The following AAMDC variants were observed in gnomAD, a reference collection of about 807,000 sequenced individuals.
AAMDC encodes the protein adipogenesis associated Mth938 domain containing, also known as mth938 domain-containing protein.
Under a neutral mutation model 15.5 loss-of-function variants are expected in AAMDC, and 16 were observed. The observed-to-expected ratio is 1.03, with a 90% CI of 0.70 to 1.57. The LOEUF (loss-of-function observed/expected upper bound fraction) is 1.57, where lower values mean the gene tolerates loss of function less well. Ranked by LOEUF, AAMDC falls within the 40% of genes most tolerant of loss-of-function variation. AAMDC has a pLI of 0.00. For missense variants in AAMDC, 141 were observed against 144.9 expected, an observed-to-expected ratio of 0.97 and a Z score of 0.14; for synonymous variants, 51 against 51.6, an observed-to-expected ratio of 0.99 and a Z score of 0.05.
At chr11:77,898,536 G>GTT (rs764774661) in intron 5 of AAMDC, among the ~76,000 whole-genome samples, 1 of 152,192 alleles carries the variant, frequency 6.6e-6, no homozygotes, top group Non-Finnish European at 1.5e-5. Context: ...CTTAGATCAT[G>GTT]TTTATCTATT....
intron 5 of AAMDC, among the ~76,000 whole-genome samples, chr11:77,895,970 T>C (rs865948172): frequency 4.3e-4 from 65 of 152,272 alleles, no homozygotes; most frequent in African/African-American, 1.4e-3. Flanking sequence ...TTTAAACTAG[T>C]CTAGACTTTC....
chr11:77,833,448 T>C (rs1277675172), intron 1 of AAMDC, among the ~76,000 whole-genome samples: 1 of 152,152 alleles, frequency 6.6e-6, no homozygotes, highest in Non-Finnish European at 1.5e-5. Flanking sequence ...CACGCATCTA[T>C]GATCATCTAA....
chr11:77,894,972 G>A (rs1952448675), intron 5 of AAMDC, among the ~76,000 whole-genome samples: 1 of 152,080 alleles, frequency 6.6e-6, no homozygotes, highest in Non-Finnish European at 1.5e-5. Context: ...ATACTGTAAG[G>A]GCTCCAAGAA....
intron 5 of AAMDC, among the ~76,000 whole-genome samples, chr11:77,885,530 A>AG (rs1037472192): frequency 2.6e-5 from 4 of 151,702 alleles, no homozygotes; most frequent in African/African-American, 4.8e-5. Flanking sequence ...TAGAAAATGA[A>AG]GGGGAGGGCC....
At chr11:77,878,782 T>C in intron 5 of AAMDC, 2 of 708,150 alleles carry the variant, frequency 2.8e-6, no homozygotes, top group Non-Finnish European at 5.1e-6. Context: ...GGTTTTTTAT[T>C]TTTTAATGAA....
rs146747352 is a variant in AAMDC, at chr11:77,872,267, G to A, written c.321G>A (p.Leu107=). Residue 107 remains leucine, a synonymous_variant, in exon 4 of 4, where the codon TTG becomes TTA. Coordinates refer to ENST00000393427, the MANE Select transcript of AAMDC (RefSeq NM_024684.4). ...AGGCAGTGAAGGAGTATAATGCCTT[G>A]GTTGCCCAAGGGGTCAGGGTGGGAG... The part of the protein sequence containing the change: ...TEQAVKEYNA[L]VAQGVRVGGV... The A allele has an allele frequency of 6.2e-7, 1 of 1,613,556 alleles. No individual in the cohort carries two copies.
At chr11:77,877,488 T>A (rs548926406) in intron 5 of AAMDC, among the ~76,000 whole-genome samples, 1 of 152,338 alleles carries the variant, frequency 6.6e-6, no homozygotes, top group South Asian at 2.1e-4. Flanking sequence ...TGAGGTCCAA[T>A]TATCTTCGTT....
intron 2 of AAMDC, among the ~76,000 whole-genome samples, chr11:77,853,287 A>G (rs769506732): frequency 6.6e-6 from 1 of 152,208 alleles, no homozygotes; most frequent in Non-Finnish European, 1.5e-5. Flanking sequence ...TCTAAAGAAA[A>G]GAGGTTTCAT....
At chr11:77,831,380 A>C (rs558948503) in intron 1 of AAMDC, among the ~76,000 whole-genome samples, 1 of 152,178 alleles carries the variant, frequency 6.6e-6, no homozygotes, top group Non-Finnish European at 1.5e-5. Flanking sequence ...TCCATGAAAA[A>C]ATTTTTACAT....
At chr11:77,874,665 T>C (rs1190386945), downstream of AAMDC, among the ~76,000 whole-genome samples, 3 of 152,200 alleles carry the variant, frequency 2.0e-5, no homozygotes, top group East Asian at 3.9e-4. Context: ...TCTTAAATCA[T>C]TAAAGCCTCT....
chr11:77,878,912 G>A (rs1951683489), intron 5 of AAMDC: 1 of 1,539,180 alleles, frequency 6.5e-7, no homozygotes, highest in Non-Finnish European at 9.0e-7. Context: ...ACCTAAGAAG[G>A]GCCCTCTAGG....
rs138381967 is a variant in AAMDC, at chr11:77,842,549, G to C, written c.53G>C (p.Gly18Ala). ...TCATGGGGGCAAATGAAAGTAAAAGGCTCTAATACAACCTATAAGGACTGC... is the reference window on the plus strand; with the variant it reads ...TCATGGGGGCAAATGAAAGTAAAAGCCTCTAATACAACCTATAAGGACTGC... ...SLSWGQMKVK[G>A]SNTTYKDCKV... is the part of the protein sequence containing the mutation. Residue 18 changes from glycine (G) to alanine (A), a missense_variant, in exon 2 of 4, where the codon GGC becomes GCC. Coordinates refer to ENST00000393427, the MANE Select transcript of AAMDC (RefSeq NM_024684.4). 826 of 1,614,000 alleles carry C rather than the reference G, an allele frequency of 5.1e-4. 1 individual carries two copies. Among genetic ancestry groups the C allele is most frequent in the Non-Finnish European group, 6.6e-4 (776 of 1,179,976 alleles).
At chr11:77,852,882 T>A (rs2136202034) in intron 2 of AAMDC, among the ~76,000 whole-genome samples, 1 of 152,326 alleles carries the variant, frequency 6.6e-6, no homozygotes, top group East Asian at 1.9e-4. Context: ...CTTTTTCTTT[T>A]TTACCACTGT....
chr11:77,841,175 A>C, intron 1 of AAMDC: 1 of 701,850 alleles, frequency 1.4e-6, no homozygotes, highest in Non-Finnish European at 2.6e-6. Flanking sequence ...CAATAACAGC[A>C]TAATCTATTC....
At chr11:77,869,900 G>C in intron 3 of AAMDC, 83 bp downstream of exon 3, 1 of 1,350,546 alleles carries the variant, frequency 7.4e-7, no homozygotes, top group Non-Finnish European at 1.1e-6. Context: ...CTTCTTGGGA[G>C]GTCATCTTTA....
At chr11:77,897,171 A>G (rs1163777412) in intron 5 of AAMDC, among the ~76,000 whole-genome samples, 1 of 151,874 alleles carries the variant, frequency 6.6e-6, no homozygotes, top group African/African-American at 2.4e-5. Flanking sequence ...TTAAAAGGCG[A>G]CAGAGAACAG....
At chr11:77,890,536 T>C (rs1952216609) in intron 5 of AAMDC, among the ~76,000 whole-genome samples, 1 of 151,946 alleles carries the variant, frequency 6.6e-6, no homozygotes, top group Non-Finnish European at 1.5e-5. Flanking sequence ...TAGAGGTGCT[T>C]TGAAAGGGTT....
chr11:77,869,595 T>C, intron 2 of AAMDC, 127 bp from the exon 3 acceptor site: 6 of 917,006 alleles, frequency 6.5e-6, no homozygotes, highest in Middle Eastern at 4.5e-4. Context: ...TTAAAGAGCC[T>C]ATGAGTGATG....
Position 77,872,326 on chromosome 11 carries a change from A to G in AAMDC, c.*11A>G. 1 of 1,608,034 alleles carries G rather than the reference A, an allele frequency of 6.2e-7. No homozygotes were observed. Among genetic ancestry groups the G allele is most frequent in the African/African-American group, 1.3e-5 (1 of 74,834 alleles). On this transcript the variant is annotated 3_prime_UTR_variant, in exon 4 of 4. Transcript: ENST00000393427. ...CATTCCACCTGCTGATGGAGCCTTA[A>G]GAGGAGAATAAATCACTAAGTGCCT... is the stretch of plus-strand genomic sequence containing the variant.
Sources: allele counts gnomAD v4.1 joint callset (sites outside exome capture counted in the v4.1 genomes callset), GRCh38; gene constraint gnomAD v4.1.1; transcripts MANE v1.5; gene names NCBI Gene and HGNC (gene_info 2026-07-23, HGNC 2026-07-21).